Variants in CSMD1 observed in about 807,000 individuals in gnomAD.
CSMD1 encodes CUB and sushi domain-containing protein 1.
Under a neutral mutation model 417.5 loss-of-function variants are expected in CSMD1, and 213 were observed. The ratio of observed to expected loss-of-function variants is 0.51; its 90% confidence interval spans 0.46 to 0.57. The LOEUF (loss-of-function observed/expected upper bound fraction) is 0.57. CSMD1 is among the 20% of genes least tolerant of loss of function. CSMD1 has a pLI of 0.00. For synonymous variants in CSMD1, 2,862 were observed against 1,736.8 expected, an observed-to-expected ratio of 1.65 and a Z score of -16.11; for missense variants, 6,923 against 4,529.7, an observed-to-expected ratio of 1.53 and a Z score of -15.17.
At chr8:3,220,887 G>T (rs555129778) in intron 28 of CSMD1, among the ~76,000 whole-genome samples, 47 of 152,112 alleles carry the variant, frequency 3.1e-4, no homozygotes, top group Non-Finnish European at 3.1e-4. Flanking sequence ...CATTGCAGCT[G>T]CCCCTTCCCT....
intron 5 of CSMD1, among the ~76,000 whole-genome samples, chr8:3,820,085 G>T (rs922305229): frequency 6.6e-6 from 1 of 152,178 alleles, no homozygotes; most frequent in African/African-American, 2.4e-5. Context: ...CAGTGATTCT[G>T]CATTTTCTTC....
chr8:3,971,040 C>T (rs908557144), intron 5 of CSMD1, among the ~76,000 whole-genome samples: 8 of 152,138 alleles, frequency 5.3e-5, no homozygotes, highest in Non-Finnish European at 8.8e-5. Flanking sequence ...CATGAGTCAC[C>T]GCGCCCGGCC....
At chr8:4,453,169 C>G (rs1158213741) in intron 2 of CSMD1, among the ~76,000 whole-genome samples, 1 of 151,178 alleles carries the variant, frequency 6.6e-6, no homozygotes, top group Non-Finnish European at 1.5e-5. Flanking sequence ...AAGCCCGTTC[C>G]CCCCTCCATC....
intron 10 of CSMD1, among the ~76,000 whole-genome samples, chr8:3,504,810 G>C (rs1185302435): frequency 1.3e-5 from 2 of 152,106 alleles, no homozygotes; most frequent in Non-Finnish European, 2.9e-5. Flanking sequence ...GAGGAGTAAG[G>C]TGAGATTCAT....
chr8:4,526,623 C>G (rs957080049), intron 2 of CSMD1, among the ~76,000 whole-genome samples: 2 of 152,212 alleles, frequency 1.3e-5, no homozygotes, highest in African/African-American at 4.8e-5. Context: ...CTTGACATCA[C>G]TCTTGGGAAT....
intron 1 of CSMD1, among the ~76,000 whole-genome samples, chr8:4,873,128 T>C (rs576111355): frequency 7.4e-4 from 113 of 152,086 alleles, no homozygotes; most frequent in Non-Finnish European, 1.5e-3. Flanking sequence ...TAACATGTCA[T>C]CTGATTCTAT....
At chr8:4,965,385 G>A (rs1384878136) in intron 1 of CSMD1, among the ~76,000 whole-genome samples, 3 of 152,142 alleles carry the variant, frequency 2.0e-5, no homozygotes, top group Non-Finnish European at 4.4e-5. Context: ...CCCCCTATCT[G>A]AATATTTTGA....
chr8:4,483,926 A>T (rs1185173503), intron 2 of CSMD1, among the ~76,000 whole-genome samples: 1 of 152,168 alleles, frequency 6.6e-6, no homozygotes, highest in Non-Finnish European at 1.5e-5. Context: ...ATCATGGCTC[A>T]CTTTGTTGTA....
chr8:3,321,496 G>A (rs114413927), intron 23 of CSMD1, among the ~76,000 whole-genome samples: 1,844 of 152,182 alleles, frequency 0.012, 42 homozygotes, highest in African/African-American at 0.042. Context: ...GGTGCTCTGC[G>A]TGTATCTAAT....
intron 3 of CSMD1, among the ~76,000 whole-genome samples, chr8:4,071,583 C>T (rs896927006): frequency 3.3e-5 from 5 of 152,080 alleles, no homozygotes; most frequent in African/African-American, 1.2e-4. Flanking sequence ...TGTGTCCTAT[C>T]AAGCTTGGTC....
chr8:3,808,081 TGATTA>T (rs1292335464), intron 5 of CSMD1, among the ~76,000 whole-genome samples: 1 of 152,184 alleles, frequency 6.6e-6, no homozygotes, highest in Non-Finnish European at 1.5e-5. Flanking sequence ...GAAAATGGTT[TGATTA>T]TAGAAGACCT....
chr8:4,704,842 A>C (rs1807816986), intron 1 of CSMD1, among the ~76,000 whole-genome samples: 1 of 152,132 alleles, frequency 6.6e-6, no homozygotes, highest in African/African-American at 2.4e-5. Context: ...CTCTATGCTG[A>C]TGGGGCAAAA....
chr8:3,469,463 G>C (rs1319803280), intron 11 of CSMD1, among the ~76,000 whole-genome samples: 2 of 152,186 alleles, frequency 1.3e-5, no homozygotes, highest in Admixed American at 6.5e-5. Context: ...CACACCAAAT[G>C]TGAGTTTCAA....
chr8:3,110,314 G>C lies in CSMD1; in HGVS notation c.6452C>G (p.Thr2151Ser), dbSNP rs554998607. Reference sequence around the variant, plus strand: ...GGAGTAGATGGTGCCGTTCTGAGAAGTTACGTTGTACCCACAAGGGGCTGC... The same window carrying C: ...GGAGTAGATGGTGCCGTTCTGAGAACTTACGTTGTACCCACAAGGGGCTGC... ...RCDAPCGYNV[T>S]SQNGTIYSPG... The change falls in exon 43 of 70, where the codon ACT becomes AGT. Residue 2151 changes from threonine (T) to serine (S), a missense_variant. Transcript: ENST00000635120. 1 of 1,611,718 alleles carries C rather than the reference G, an allele frequency of 6.2e-7. No homozygotes were observed. Among genetic ancestry groups the C allele is most frequent in the Non-Finnish European group, 8.5e-7 (1 of 1,179,038 alleles).
chr8:4,098,049 G>C (rs7825804), intron 3 of CSMD1, among the ~76,000 whole-genome samples: 121,578 of 152,150 alleles, frequency 0.8, 48,730 homozygotes, highest in African/African-American at 0.85. Context: ...TTCAGGCACA[G>C]AGAATGCTCA....
At chr8:4,742,324 C>G (rs1034707022) in intron 1 of CSMD1, among the ~76,000 whole-genome samples, 9 of 151,906 alleles carry the variant, frequency 5.9e-5, no homozygotes, top group Non-Finnish European at 1.2e-4. Flanking sequence ...GCCACTGCAC[C>G]TGACCAAGGC....
At chr8:4,749,959 T>A (rs921415262) in intron 1 of CSMD1, among the ~76,000 whole-genome samples, 1 of 152,018 alleles carries the variant, frequency 6.6e-6, no homozygotes, top group East Asian at 1.9e-4. Context: ...CATGGTTCCC[T>A]CAAGTGCCTG....
intron 3 of CSMD1, among the ~76,000 whole-genome samples, chr8:4,395,358 C>G (rs1450546931): frequency 6.6e-6 from 1 of 152,192 alleles, no homozygotes; most frequent in East Asian, 1.9e-4. Flanking sequence ...TGCATTAAGA[C>G]TAGGGGAGTA....
chr8:3,464,030 CT>C (rs1816664883), intron 12 of CSMD1, among the ~76,000 whole-genome samples: 1 of 152,170 alleles, frequency 6.6e-6, no homozygotes, highest in Non-Finnish European at 1.5e-5. Flanking sequence ...AATAATTTTA[CT>C]GGAATCACTC....
Sources: allele counts gnomAD v4.1 joint callset (sites outside exome capture counted in the v4.1 genomes callset), GRCh38; gene constraint gnomAD v4.1.1; transcripts MANE v1.5; gene names NCBI Gene and HGNC (gene_info 2026-07-23, HGNC 2026-07-21).